Variants in AUTS2 observed in about 807,000 individuals in gnomAD.
AUTS2 encodes activator of transcription and developmental regulator AUTS2, also known as autism susceptibility gene 2 protein.
A neutral mutation model predicts 112.4 loss-of-function variants in AUTS2; 17 were observed. That is an observed-to-expected ratio of 0.15 (90% CI 0.10 to 0.23). The LOEUF (loss-of-function observed/expected upper bound fraction) is 0.23. Among genes scored for constraint, AUTS2 ranks in the 10% least tolerant of loss-of-function variants. The pLI, the probability that AUTS2 is intolerant of heterozygous loss-of-function variation, is 1.00. For missense variants in AUTS2, 1,510 were observed against 1,701.6 expected (o/e 0.89, Z 1.98); for synonymous variants, 751 against 702.7 (o/e 1.07, Z -1.09).
chr7:70,364,266 TA>T (rs200071116), intron 4 of AUTS2, among the ~76,000 whole-genome samples: 134 of 145,300 alleles, frequency 9.2e-4, no homozygotes, highest in Admixed American at 1.3e-3. Context: ...AATAGAAGCT[TA>T]AAAAAAAAAA....
At chr7:70,319,384 G>A (rs1404274) in intron 4 of AUTS2, among the ~76,000 whole-genome samples, 44,139 of 152,032 alleles carry the variant, frequency 0.29, 6,725 homozygotes, top group African/African-American at 0.38. Flanking sequence ...AGACAGGTGA[G>A]GGTGCAGAAC....
intron 4 of AUTS2, among the ~76,000 whole-genome samples, chr7:70,167,060 T>A (rs1008534555): frequency 1.3e-5 from 2 of 152,158 alleles, no homozygotes; most frequent in Non-Finnish European, 2.9e-5. Context: ...ACCCTGTCTC[T>A]GCTGAAAGTA....
At chr7:69,688,946 T>G (rs1797178286) in intron 1 of AUTS2, among the ~76,000 whole-genome samples, 2 of 152,218 alleles carry the variant, frequency 1.3e-5, no homozygotes, top group Admixed American at 1.3e-4. Flanking sequence ...GTTTAAAGGA[T>G]TGAGATAAAA....
intron 5 of AUTS2, among the ~76,000 whole-genome samples, chr7:70,548,802 C>T: frequency 6.6e-6 from 1 of 151,924 alleles, no homozygotes; most frequent in Non-Finnish European, 1.5e-5. Context: ...ATTACTATAG[C>T]TTTGTAGGAT....
At chr7:69,613,842 A>C (rs1793173373) in intron 1 of AUTS2, among the ~76,000 whole-genome samples, 1 of 152,182 alleles carries the variant, frequency 6.6e-6, no homozygotes, top group Admixed American at 6.5e-5. Flanking sequence ...AGACCACACT[A>C]AATAGCTCTT....
chr7:70,702,218 G>A (rs1809496012), intron 6 of AUTS2, among the ~76,000 whole-genome samples: 2 of 152,240 alleles, frequency 1.3e-5, no homozygotes, highest in African/African-American at 4.8e-5. Context: ...TGTCTGGGAG[G>A]AAGGACAACA....
At chr7:69,973,972 G>A (rs967328228) in intron 2 of AUTS2, among the ~76,000 whole-genome samples, 4 of 151,996 alleles carry the variant, frequency 2.6e-5, no homozygotes, top group African/African-American at 7.2e-5. Flanking sequence ...TTATTTGTTT[G>A]CTGGAAGAGA....
chr7:70,681,572 G>A (rs888915674), intron 5 of AUTS2, among the ~76,000 whole-genome samples: 2 of 151,674 alleles, frequency 1.3e-5, no homozygotes, highest in African/African-American at 4.9e-5. Flanking sequence ...GTTCCCCCAA[G>A]GTGAAGGATT....
intron 5 of AUTS2, among the ~76,000 whole-genome samples, chr7:70,555,010 C>T (rs1166130673): frequency 6.6e-6 from 1 of 152,178 alleles, no homozygotes; most frequent in African/African-American, 2.4e-5. Context: ...CTGTTCTTTG[C>T]CAGGTAATAG....
chr7:69,832,388 T>C (rs942307672), intron 1 of AUTS2, among the ~76,000 whole-genome samples: 1 of 152,164 alleles, frequency 6.6e-6, no homozygotes, highest in African/African-American at 2.4e-5. Context: ...TAGAATGACG[T>C]TGCAGTTGCT....
At chr7:69,924,089 TG>T (rs920043873) in intron 2 of AUTS2, among the ~76,000 whole-genome samples, 2 of 152,220 alleles carry the variant, frequency 1.3e-5, no homozygotes, top group Non-Finnish European at 2.9e-5. Flanking sequence ...TTTTTCATAG[TG>T]CCCTTTATTA....
chr7:70,539,266 C>T (rs1800448834), intron 5 of AUTS2, among the ~76,000 whole-genome samples: 1 of 152,132 alleles, frequency 6.6e-6, no homozygotes, highest in African/African-American at 2.4e-5. Flanking sequence ...CAGAAACAGC[C>T]ATGTTGTTGT....
At chr7:70,442,914 A>G (rs762708964) in intron 5 of AUTS2, among the ~76,000 whole-genome samples, 10 of 152,132 alleles carry the variant, frequency 6.6e-5, no homozygotes, top group Admixed American at 6.5e-5. Context: ...TCATATTTCC[A>G]ATTGGCTTAA....
intron 4 of AUTS2, among the ~76,000 whole-genome samples, chr7:70,345,398 T>C (rs1454486374): frequency 2.6e-5 from 4 of 152,156 alleles, no homozygotes; most frequent in East Asian, 1.9e-4. Flanking sequence ...TTCTTCTCTT[T>C]AGTGTTAATT....
chr7:70,405,856 T>G (rs1427903405), intron 4 of AUTS2, among the ~76,000 whole-genome samples: 1 of 152,112 alleles, frequency 6.6e-6, no homozygotes, highest in Non-Finnish European at 1.5e-5. Context: ...TCAGACTGAG[T>G]GAATAGGTAG....
At chr7:70,164,616 C>T (rs964052241) in intron 4 of AUTS2, among the ~76,000 whole-genome samples, 1 of 152,140 alleles carries the variant, frequency 6.6e-6, no homozygotes, top group Non-Finnish European at 1.5e-5. Flanking sequence ...AAGACTATGT[C>T]ACAGCAGTCT....
intron 6 of AUTS2, among the ~76,000 whole-genome samples, chr7:70,704,563 G>A (rs1369256135): frequency 1.3e-5 from 2 of 152,144 alleles, no homozygotes; most frequent in Non-Finnish European, 2.9e-5. Flanking sequence ...CATATTTAGC[G>A]TTTTGTGTAG....
At chr7:69,673,240 C>G (rs1040318352) in intron 1 of AUTS2, among the ~76,000 whole-genome samples, 3 of 152,092 alleles carry the variant, frequency 2.0e-5, no homozygotes, top group African/African-American at 7.2e-5. Context: ...CTGGTTAAGG[C>G]AAGAGATTGT....
chr7:70,670,647 C>T (rs1263960430), intron 5 of AUTS2, among the ~76,000 whole-genome samples: 1 of 142,374 alleles, frequency 7.0e-6, no homozygotes, highest in Non-Finnish European at 1.5e-5. Context: ...CCTGCACAGC[C>T]TTGGCTGACA....
Sources: gnomAD v4.1 joint callset for allele counts (sites outside exome capture counted in the v4.1 genomes callset) on GRCh38, gnomAD v4.1.1 for gene constraint, MANE v1.5 for transcripts, NCBI Gene and HGNC (gene_info 2026-07-23, HGNC 2026-07-21) for gene names.